CELF2: variants seen among roughly 807,000 people sequenced by gnomAD.
CELF2 encodes CUGBP Elav-like family member 2.
Under a neutral mutation model 62.6 loss-of-function variants are expected in CELF2, and 8 were observed. That is an observed-to-expected ratio of 0.13 (90% CI 0.07 to 0.23). The LOEUF is 0.23. Ranked by LOEUF, CELF2 falls within the 10% of genes least tolerant of loss-of-function variation. The pLI, the probability that CELF2 is intolerant of heterozygous loss-of-function variation, is 1.00. For synonymous variants in CELF2, 258 were observed against 250.0 expected, an observed-to-expected ratio of 1.03 and a Z score of -0.30; for missense variants, 333 against 671.0, an observed-to-expected ratio of 0.50 and a Z score of 5.56.
chr10:11,270,520 G>A lies in CELF2; in HGVS notation c.619-146G>A. Reference sequence around the variant, plus strand: ...TCTGTTGATGGTACTATTCAGAGAAGAAGGAATATCAAACCGTTTTAAACC... The same window carrying A: ...TCTGTTGATGGTACTATTCAGAGAAAAAGGAATATCAAACCGTTTTAAACC... On this transcript the variant is annotated intron_variant, in intron 6 of 12. Transcript: ENST00000633077. The surrounding 1 kb of genome is among the most constrained non-coding windows in gnomAD (Gnocchi z 5.8). 2 of 600,110 alleles carry A rather than the reference G, an allele frequency of 3.3e-6. No homozygotes were observed. The highest frequency in any genetic ancestry group is 6.4e-5 in the East Asian group (2 of 31,278). 37.2% of individuals were successfully genotyped at this position (600,110 alleles called of 1,614,324 possible).
At chr10:10,648,876 CA>C in the CELF2 span, among the ~76,000 whole-genome samples, 325 of 152,260 alleles carry the variant, frequency 2.1e-3, 2 homozygotes, top group Non-Finnish European at 2.7e-3. Flanking sequence ...CCATTGGGTT[CA>C]ATAAGTGAAA....
At chr10:10,876,728 C>T (rs565691671) in intron 1 of CELF2, among the ~76,000 whole-genome samples, 5 of 152,332 alleles carry the variant, frequency 3.3e-5, no homozygotes, top group Non-Finnish European at 5.9e-5. Context: ...GATCATGTCT[C>T]TTATGTTCTC....
At chr10:10,734,798 G>T in the CELF2 span, among the ~76,000 whole-genome samples, 1 of 152,108 alleles carries the variant, frequency 6.6e-6, no homozygotes. Context: ...ATCCCAGTTT[G>T]CCCAGGACAG....
chr10:10,480,635 A>C, the CELF2 span, among the ~76,000 whole-genome samples: 2 of 152,234 alleles, frequency 1.3e-5, no homozygotes, highest in Admixed American at 6.5e-5. Flanking sequence ...ATAGATGGTC[A>C]CAGATTCCTA....
At chr10:10,676,959 G>A in the CELF2 span, among the ~76,000 whole-genome samples, 1 of 152,024 alleles carries the variant, frequency 6.6e-6, no homozygotes, top group Admixed American at 6.6e-5. Flanking sequence ...TTATTCTAAG[G>A]GCTAGATGAA....
At chr10:11,175,282 A>G (rs977701641) in intron 2 of CELF2, among the ~76,000 whole-genome samples, 3 of 152,160 alleles carry the variant, frequency 2.0e-5, no homozygotes, top group African/African-American at 7.2e-5. Flanking sequence ...CCACATGGAA[A>G]GGTCTAGGAG....
At chr10:10,981,505 A>T (rs1382319294) in intron 2 of CELF2, among the ~76,000 whole-genome samples, 2 of 152,256 alleles carry the variant, frequency 1.3e-5, no homozygotes, top group Non-Finnish European at 2.9e-5. Context: ...TTTTTAAGAT[A>T]CAGAGTTTTT....
chr10:11,181,690 A>G (rs760436538), intron 2 of CELF2, among the ~76,000 whole-genome samples: 3 of 152,218 alleles, frequency 2.0e-5, no homozygotes, highest in East Asian at 1.9e-4. Flanking sequence ...GCCATTCTGC[A>G]GTTGCATACG....
At position 11,334,163 on chromosome 10, in the gene CELF2, T is replaced by G. The variant is rs1021333775; in HGVS notation, c.*5110T>G. 1.4e-4 allele frequency: 22 copies of G among 152,680 alleles called. No homozygotes were observed. The highest frequency in any genetic ancestry group is 5.3e-4 in the African/African-American group (22 of 41,456). The allele number at this position is 152,680 out of a possible 1,614,324, so 9.5% of individuals were successfully genotyped here. A position where few individuals can be genotyped will look rare whatever the true frequency, so the allele number is the denominator to read the frequency against. On this transcript the variant is annotated 3_prime_UTR_variant, in exon 13 of 13. Transcript: ENST00000633077. Reference sequence around the variant, plus strand: ...TTAGATTTAGAAGTACTCAGTCACTTTAAGTGGATAAATGTATTAGTTAAA... The same window carrying G: ...TTAGATTTAGAAGTACTCAGTCACTGTAAGTGGATAAATGTATTAGTTAAA...
intron 9 of CELF2, among the ~76,000 whole-genome samples, chr10:11,304,199 C>T (rs1213081059): frequency 6.6e-6 from 1 of 152,126 alleles, no homozygotes; most frequent in East Asian, 1.9e-4. Flanking sequence ...AATCCATTTC[C>T]TTTCCCGGCT....
the CELF2 span, among the ~76,000 whole-genome samples, chr10:10,696,896 G>C: frequency 1.3e-5 from 2 of 152,202 alleles, no homozygotes; most frequent in Admixed American, 1.3e-4. Flanking sequence ...ACTCCCTAGT[G>C]AGATGAACCC....
At chr10:11,062,043 CT>C (rs2066880794) in intron 1 of CELF2, among the ~76,000 whole-genome samples, 3 of 152,236 alleles carry the variant, frequency 2.0e-5, no homozygotes, top group Non-Finnish European at 4.4e-5. Flanking sequence ...AACTCCTGAC[CT>C]CAGGTGATCT....
the CELF2 span, among the ~76,000 whole-genome samples, chr10:10,765,561 GAAATAT>G: frequency 6.6e-6 from 1 of 152,168 alleles, no homozygotes; most frequent in African/African-American, 2.4e-5. Context: ...GCCGTAAGAG[GAAATAT>G]AAAACCAATC....
chr10:11,331,848 C>G lies in CELF2; in HGVS notation c.*2795C>G, dbSNP rs921081082. On this transcript the variant is annotated 3_prime_UTR_variant, in exon 13 of 13. Coordinates refer to ENST00000633077, the MANE Select transcript of CELF2 (RefSeq NM_001326342.2). ...GTGAGAAAGTTTTGAACTTTTAACC[C>G]TTTCTACCCAGAGCTATCTGGAATG... 1 of 152,566 alleles carries G rather than the reference C, an allele frequency of 6.6e-6. No homozygotes were observed. Among genetic ancestry groups the G allele is most frequent in the African/African-American group, 2.4e-5 (1 of 41,408 alleles). 9.5% of individuals were successfully genotyped at this position (152,566 alleles called of 1,614,324 possible). A position where few individuals can be genotyped will look rare whatever the true frequency, so the allele number is the denominator to read the frequency against.
chr10:10,962,007 C>A (rs1272482958), intron 2 of CELF2, among the ~76,000 whole-genome samples: 1 of 151,150 alleles, frequency 6.6e-6, no homozygotes, highest in African/African-American at 2.4e-5. Flanking sequence ...GCAGGAGGAT[C>A]ACTTGAGGCC....
At chr10:10,762,938 C>G in the CELF2 span, among the ~76,000 whole-genome samples, 1 of 152,032 alleles carries the variant, frequency 6.6e-6, no homozygotes, top group Non-Finnish European at 1.5e-5. Flanking sequence ...GACTCTGTCT[C>G]TAAAATAAAA....
the CELF2 span, among the ~76,000 whole-genome samples, chr10:10,752,604 C>T: frequency 5.4e-5 from 8 of 147,102 alleles, no homozygotes; most frequent in South Asian, 4.3e-4. Flanking sequence ...GCAGGGGAAT[C>T]GCTTGAACCC....
the CELF2 span, among the ~76,000 whole-genome samples, chr10:10,501,341 A>G: frequency 6.6e-6 from 1 of 152,048 alleles, no homozygotes; most frequent in African/African-American, 2.4e-5. Context: ...TTTAATTTGC[A>G]CTTTGCTACT....
the CELF2 span, among the ~76,000 whole-genome samples, chr10:10,483,500 T>A: frequency 6.6e-6 from 1 of 152,182 alleles, no homozygotes; most frequent in Admixed American, 6.5e-5. Context: ...GGGTAAAATG[T>A]TCTATTAGCC....
Sources: gnomAD v4.1 joint callset for allele counts (sites outside exome capture counted in the v4.1 genomes callset) on GRCh38, gnomAD v4.1.1 for gene constraint, Gnocchi (gnomAD v3.1) non-coding constraint, MANE v1.5 for transcripts, NCBI Gene and HGNC (gene_info 2026-07-23, HGNC 2026-07-21) for gene names.